MSRA: variants seen among roughly 807,000 people sequenced by gnomAD.
The protein encoded by MSRA is mitochondrial peptide methionine sulfoxide reductase.
MSRA carries 54 observed loss-of-function variants against 31.3 expected under a neutral mutation model. The observed-to-expected ratio is 1.73, with a 90% CI of 1.39 to 2.17. The LOEUF is 2.17. Among genes scored for constraint, MSRA ranks in the 30% most tolerant of loss-of-function variants. MSRA has a pLI of 0.00. For missense variants in MSRA, 507 were observed against 300.9 expected, an observed-to-expected ratio of 1.69 and a Z score of -5.07; for synonymous variants, 169 against 116.5, an observed-to-expected ratio of 1.45 and a Z score of -2.90.
At chr8:10,067,907 A>G (rs1403407506) in intron 1 of MSRA, among the ~76,000 whole-genome samples, 1 of 113,222 alleles carries the variant, frequency 8.8e-6, no homozygotes, top group African/African-American at 3.4e-5. Flanking sequence ...TTTTTTGGAG[A>G]CAGTCTTACA....
rs558621130 is a variant in MSRA, at chr8:10,150,097, C to G, written c.143-57736C>G. Among the ~76,000 whole-genome samples, 16 of 151,864 alleles carry G rather than the reference C, an allele frequency of 1.1e-4. No individual in the cohort carries two copies. The South Asian group carries it at 3.4e-3, about 32-fold the overall frequency. On this transcript the variant is annotated intron_variant, in intron 1 of 5. Coordinates refer to ENST00000317173, the MANE Select transcript of MSRA (RefSeq NM_012331.5). ...CTTTAATAAAAAGGTTCAGTTGAAA[C>G]TACAGGAATGCCGAGAGCTGACTGA...
chr8:10,155,716 C>T (rs1804100675), intron 1 of MSRA, among the ~76,000 whole-genome samples: 1 of 151,840 alleles, frequency 6.6e-6, no homozygotes, highest in African/African-American at 2.4e-5. Context: ...GTTGGAACAT[C>T]AATAAAGAAT....
chr8:10,259,997 C>T (rs1004824881), intron 3 of MSRA, among the ~76,000 whole-genome samples: 1 of 152,244 alleles, frequency 6.6e-6, no homozygotes, highest in African/African-American at 2.4e-5. Flanking sequence ...AGAGAAGAGG[C>T]CTGGACCTGC....
At chr8:10,152,415 C>A (rs903665818) in intron 1 of MSRA, among the ~76,000 whole-genome samples, 2 of 152,096 alleles carry the variant, frequency 1.3e-5, no homozygotes, top group African/African-American at 4.8e-5. Flanking sequence ...TGTGTGTCAG[C>A]TTCTTTTTGC....
At chr8:10,113,855 A>G (rs1486224170) in intron 1 of MSRA, among the ~76,000 whole-genome samples, 2 of 152,138 alleles carry the variant, frequency 1.3e-5, no homozygotes, top group Non-Finnish European at 2.9e-5. Flanking sequence ...TATACAATTC[A>G]GTGGTTATTA....
intron 1 of MSRA, among the ~76,000 whole-genome samples, chr8:10,141,797 C>G (rs1261350459): frequency 6.6e-6 from 1 of 151,852 alleles, no homozygotes; most frequent in East Asian, 1.9e-4. Flanking sequence ...TTGCTAGAGA[C>G]AAAACTTGGC....
At chr8:10,093,508 A>G (rs1798960564) in intron 1 of MSRA, among the ~76,000 whole-genome samples, 1 of 152,114 alleles carries the variant, frequency 6.6e-6, no homozygotes, top group African/African-American at 2.4e-5. Flanking sequence ...CTCTTCATAG[A>G]TTGTGTGCTT....
chr8:10,061,958 C>T (rs144520134), intron 1 of MSRA, among the ~76,000 whole-genome samples: 7 of 152,236 alleles, frequency 4.6e-5, no homozygotes, highest in African/African-American at 9.6e-5. Flanking sequence ...CCTTGGCCTG[C>T]GATCTTCAGG....
At chr8:10,142,608 C>T (rs1183849018) in intron 1 of MSRA, among the ~76,000 whole-genome samples, 1 of 152,224 alleles carries the variant, frequency 6.6e-6, no homozygotes, top group African/African-American at 2.4e-5. Context: ...ATTTCTTTAA[C>T]CTTCCCTCCA....
At chr8:10,412,026 T>G (rs1309097160) in intron 5 of MSRA, among the ~76,000 whole-genome samples, 1 of 152,258 alleles carries the variant, frequency 6.6e-6, no homozygotes, top group African/African-American at 2.4e-5. Flanking sequence ...GAGTACTCAT[T>G]TAAAATTACA....
intron 2 of MSRA, among the ~76,000 whole-genome samples, chr8:10,217,213 G>C (rs183834930): frequency 2.6e-5 from 4 of 152,256 alleles, no homozygotes; most frequent in African/African-American, 9.6e-5. Flanking sequence ...ATTTTTCAAG[G>C]GTACTTAGGA....
chr8:10,261,817 T>G (rs955804748), intron 3 of MSRA, among the ~76,000 whole-genome samples: 1 of 152,210 alleles, frequency 6.6e-6, no homozygotes, highest in African/African-American at 2.4e-5. Flanking sequence ...TATAGAATCA[T>G]GCAGAATAGT....
chr8:10,403,038 C>G (rs1585694773), intron 5 of MSRA, among the ~76,000 whole-genome samples: 1 of 152,312 alleles, frequency 6.6e-6, no homozygotes, highest in Middle Eastern at 3.4e-3. Flanking sequence ...TGCACAAAAG[C>G]CAGGATGCTT....
intron 3 of MSRA, among the ~76,000 whole-genome samples, chr8:10,300,946 G>T (rs780722180): frequency 5.9e-5 from 9 of 152,052 alleles, no homozygotes; most frequent in Non-Finnish European, 1.2e-4. Flanking sequence ...GTTTACCACA[G>T]AGAAGAATTA....
intron 1 of MSRA, among the ~76,000 whole-genome samples, chr8:10,117,084 G>T (rs1342589980): frequency 6.6e-6 from 1 of 152,196 alleles, no homozygotes; most frequent in African/African-American, 2.4e-5. Flanking sequence ...AACTATGCAG[G>T]AGCATGCCTG....
At chr8:10,142,217 C>T (rs1190136335) in intron 1 of MSRA, among the ~76,000 whole-genome samples, 2 of 151,998 alleles carry the variant, frequency 1.3e-5, no homozygotes, top group African/African-American at 4.8e-5. Flanking sequence ...CTTGACCTCC[C>T]AAACTCCTGG....
At chr8:10,320,596 CT>C in intron 5 of MSRA, among the ~76,000 whole-genome samples, 1 of 152,308 alleles carries the variant, frequency 6.6e-6, no homozygotes, top group Admixed American at 6.5e-5. Context: ...GAAACTCTCT[CT>C]TTTTTTCTTC....
chr8:10,062,178 G>A (rs115656383), intron 1 of MSRA, among the ~76,000 whole-genome samples: 296 of 152,308 alleles, frequency 1.9e-3, no homozygotes, highest in African/African-American at 6.8e-3. Flanking sequence ...TCCCAGCAGC[G>A]TGCCATCAAT....
At chr8:10,103,558 C>T (rs1398884480) in intron 1 of MSRA, among the ~76,000 whole-genome samples, 2 of 151,988 alleles carry the variant, frequency 1.3e-5, no homozygotes, top group Non-Finnish European at 2.9e-5. Flanking sequence ...AGATAATGTG[C>T]CTGAAAGCAA....
Sources: allele counts gnomAD v4.1 joint callset (sites outside exome capture counted in the v4.1 genomes callset), GRCh38; gene constraint gnomAD v4.1.1; transcripts MANE v1.5; gene names NCBI Gene and HGNC (gene_info 2026-07-23, HGNC 2026-07-21).